Variants in RBFOX1 observed in about 807,000 individuals in gnomAD.
RBFOX1 encodes RNA binding protein fox-1 homolog 1.
In RBFOX1, 8 loss-of-function variants were observed where a neutral mutation model predicts 57.7. The observed-to-expected ratio is 0.14, with a 90% CI of 0.08 to 0.25. RBFOX1 has a LOEUF of 0.25. RBFOX1 is among the 10% of genes least tolerant of loss of function. The pLI, the probability that RBFOX1 is intolerant of heterozygous loss-of-function variation, is 1.00. For synonymous variants in RBFOX1, 326 were observed against 222.4 expected (o/e 1.47, Z -4.15); for missense variants, 611 against 548.5 (o/e 1.11, Z -1.14).
intron 3 of RBFOX1, among the ~76,000 whole-genome samples, chr16:6,712,255 C>G (rs183177289): frequency 5.3e-4 from 81 of 152,262 alleles, no homozygotes; most frequent in African/African-American, 1.3e-3. Flanking sequence ...GCTATGAACC[C>G]TTAAGTGTCA....
chr16:6,709,435 C>T (rs1014548), intron 3 of RBFOX1, among the ~76,000 whole-genome samples: 149,141 of 152,330 alleles, frequency 0.98, 73,099 homozygotes, highest in East Asian at 1. Context: ...ATACTGAGAA[C>T]GTTAAGTTTC....
intron 3 of RBFOX1, among the ~76,000 whole-genome samples, chr16:6,911,195 T>C (rs1297884040): frequency 2.8e-5 from 2 of 70,802 alleles, no homozygotes; most frequent in Admixed American, 3.1e-4. Context: ...AGAGTAAAAT[T>C]GTGTCTCAAA....
At chr16:6,351,449 C>G (rs2086379104) in intron 2 of RBFOX1, among the ~76,000 whole-genome samples, 1 of 147,892 alleles carries the variant, frequency 6.8e-6, no homozygotes, top group Non-Finnish European at 1.5e-5. Flanking sequence ...TGTCGGCTCA[C>G]TGCAACCTCT....
intron 1 of RBFOX1, among the ~76,000 whole-genome samples, chr16:6,295,020 A>G (rs564563309): frequency 1.4e-4 from 21 of 151,506 alleles, no homozygotes; most frequent in Middle Eastern, 3.5e-3. Flanking sequence ...CACCGTGACC[A>G]TGCTTTTTCC....
At chr16:6,082,347 ATTTTTTTTTTT>A (rs71142677) in intron 1 of RBFOX1, among the ~76,000 whole-genome samples, 33 of 41,040 alleles carry the variant, frequency 8.0e-4, no homozygotes, top group Admixed American at 2.3e-3. Context: ...CACCTGGCTA[ATTTTTTTTTTT>A]TTTTTTTTTT....
rs558201815 is a variant in RBFOX1, at chr16:7,140,695, A to C, written c.27+88597A>C. On this transcript the variant is annotated intron_variant, in intron 4 of 15. Transcript: ENST00000550418. ...GCTGAAAGCAGAACCTCTCAGAGTGATATCCTGTGCAATAATTATTGGAAC... is the reference window on the plus strand; with the variant it reads ...GCTGAAAGCAGAACCTCTCAGAGTGCTATCCTGTGCAATAATTATTGGAAC... Among the ~76,000 whole-genome samples the C allele has an allele frequency of 2.4e-4, 37 of 152,268 alleles. No homozygotes were observed. In the South Asian group the frequency reaches 5.4e-3, roughly 22 times the overall value.
At chr16:6,967,914 C>T (rs8050442) in intron 3 of RBFOX1, among the ~76,000 whole-genome samples, 5,206 of 152,190 alleles carry the variant, frequency 0.034, 315 homozygotes, top group African/African-American at 0.12. Flanking sequence ...CCAATTCCTC[C>T]CACCAACTGT....
chr16:6,026,969 C>A (rs891538563), intron 1 of RBFOX1, among the ~76,000 whole-genome samples: 2 of 152,236 alleles, frequency 1.3e-5, no homozygotes, highest in Admixed American at 6.5e-5. Flanking sequence ...AATCAGCTTC[C>A]CTCTTCATTT....
intron 1 of RBFOX1, among the ~76,000 whole-genome samples, chr16:5,248,764 G>A (rs1424542907): frequency 1.3e-5 from 2 of 152,140 alleles, no homozygotes; most frequent in Non-Finnish European, 2.9e-5. Context: ...CCAAGGTGGG[G>A]GATCACCTGA....
At chr16:6,223,788 T>C (rs904549695) in intron 1 of RBFOX1, among the ~76,000 whole-genome samples, 25 of 152,282 alleles carry the variant, frequency 1.6e-4, no homozygotes, top group African/African-American at 4.8e-4. Flanking sequence ...TGTCTATGTC[T>C]TGAATGGTAA....
intron 3 of RBFOX1, among the ~76,000 whole-genome samples, chr16:6,683,361 T>G (rs1157478170): frequency 6.6e-6 from 1 of 152,178 alleles, no homozygotes; most frequent in African/African-American, 2.4e-5. Context: ...TTCTTAGGTG[T>G]GATTCATGGA....
In RBFOX1 at chr16:7,481,952, G is replaced by A. The variant is rs116133525; in HGVS notation, c.28-36195G>A. Among the ~76,000 whole-genome samples, 1,485 of 152,272 alleles carry A rather than the reference G, an allele frequency of 9.8e-3. 33 individuals are homozygous for A. The highest frequency in any genetic ancestry group is 0.033 in the African/African-American group (1,374 of 41,554). On this transcript the variant is annotated intron_variant, in intron 4 of 15. Transcript: ENST00000550418. ...CATTACTGAAAGTGAAAAACAGTAT[G>A]GTTATTATGAGAACGCGAGATACGG...
intron 3 of RBFOX1, among the ~76,000 whole-genome samples, chr16:6,850,874 C>A (rs894137040): frequency 6.6e-6 from 1 of 152,162 alleles, no homozygotes; most frequent in Non-Finnish European, 1.5e-5. Flanking sequence ...CACACTTGGG[C>A]ATTTATCCCA....
At chr16:5,726,592 G>T (rs1485562333) in intron 3 of RBFOX1, among the ~76,000 whole-genome samples, 1 of 152,160 alleles carries the variant, frequency 6.6e-6, no homozygotes, top group Non-Finnish European at 1.5e-5. Flanking sequence ...CCTCAGAAAG[G>T]AATCTGCTGC....
intron 2 of RBFOX1, among the ~76,000 whole-genome samples, chr16:6,605,732 A>T (rs187995060): frequency 6.6e-6 from 1 of 152,342 alleles, no homozygotes; most frequent in Non-Finnish European, 1.5e-5. Context: ...GGAGAGATTC[A>T]GTCCGTGTGT....
chr16:6,448,570 C>T (rs1009630194), intron 2 of RBFOX1, among the ~76,000 whole-genome samples: 4 of 152,052 alleles, frequency 2.6e-5, no homozygotes, highest in African/African-American at 9.7e-5. Flanking sequence ...CTTTACCTGC[C>T]CATAGCACCC....
intron 4 of RBFOX1, among the ~76,000 whole-genome samples, chr16:7,148,030 G>C (rs186694471): frequency 2.0e-5 from 3 of 152,162 alleles, no homozygotes; most frequent in Admixed American, 2.0e-4. Flanking sequence ...TTCAAGATCA[G>C]AGGCCAAATG....
chr16:6,419,956 C>G (rs2093729290), intron 2 of RBFOX1, among the ~76,000 whole-genome samples: 1 of 152,110 alleles, frequency 6.6e-6, no homozygotes, highest in Non-Finnish European at 1.5e-5. Flanking sequence ...CCCCCCCATC[C>G]CTTCCCTTCT....
intron 11 of RBFOX1, among the ~76,000 whole-genome samples, chr16:7,631,565 G>C (rs546753547): frequency 5.3e-5 from 8 of 152,298 alleles, no homozygotes; most frequent in African/African-American, 1.9e-4. Flanking sequence ...TGTAAATCCT[G>C]TGGAGTTGCC....
Sources: gnomAD v4.1 joint callset for allele counts (sites outside exome capture counted in the v4.1 genomes callset) on GRCh38, gnomAD v4.1.1 for gene constraint, MANE v1.5 for transcripts, NCBI Gene and HGNC (gene_info 2026-07-23, HGNC 2026-07-21) for gene names.